The following XRN2 variants were observed in gnomAD, a reference collection of about 807,000 sequenced individuals.
XRN2 encodes 5'-3' exoribonuclease 2, also known as DHM1-like protein.
A neutral mutation model predicts 138.5 loss-of-function variants in XRN2; 44 were observed. The observed-to-expected ratio is 0.32, with a 90% confidence interval of 0.25 to 0.41. XRN2 has a LOEUF of 0.41. XRN2 is among the 10% of genes least tolerant of loss of function. The pLI, the probability that XRN2 is intolerant of heterozygous loss-of-function variation, is 1.00. For missense variants in XRN2, 937 were observed against 1,169.3 expected (o/e 0.80, Z 2.90); for synonymous variants, 354 against 369.4 (o/e 0.96, Z 0.48).
chr20:21,365,767 T>A, intron 26 of XRN2, 63 bp downstream of exon 26: 1 of 1,427,164 alleles, frequency 7.0e-7, no homozygotes, highest in Non-Finnish European at 9.3e-7. Context: ...ATAAAACAAG[T>A]CAGTATTTAT....
intron 29 of XRN2, 97 bp downstream of exon 29, chr20:21,387,103 A>C: frequency 1.3e-6 from 2 of 1,490,936 alleles, no homozygotes; most frequent in Non-Finnish European, 1.8e-6. Flanking sequence ...TGGAGAAGAC[A>C]CTGATAGAGT....
rs2038690776 is a variant in XRN2 at position 21,365,896 on chromosome 20, T to TA, written c.2456+192_2456+193insA. 3.2e-5 allele frequency among the ~76,000 whole-genome samples: 4 copies of TA among 124,654 alleles called. No homozygotes were observed. The Admixed American group carries it at 4.0e-4, about 13-fold the overall frequency. The allele number at this position is 124,654 out of a possible 152,430, so 81.8% of individuals were successfully genotyped here. A position where few individuals can be genotyped will look rare whatever the true frequency, so the allele number is the denominator to read the frequency against. ...ATATATAATATTATATAATATATAA[T>TA]TATATATATAATATATATAATATAA... On this transcript the variant is annotated intron_variant, in intron 26 of 29. Transcript: ENST00000377191.
chr20:21,371,737 G>T (rs1175930986), intron 27 of XRN2, among the ~76,000 whole-genome samples: 1 of 152,102 alleles, frequency 6.6e-6, no homozygotes, highest in Non-Finnish European at 1.5e-5. Context: ...ATGGCCTTTT[G>T]CTTCTAGCAG....
chr20:21,328,714 A>G (rs781650823), intron 4 of XRN2, 44 bp downstream of exon 4: 3 of 1,573,512 alleles, frequency 1.9e-6, no homozygotes, highest in Non-Finnish European at 2.6e-6. Context: ...CATAAGATGT[A>G]TGCAGAATGA....
chr20:21,312,957 G>GA (rs2037903963), intron 1 of XRN2, among the ~76,000 whole-genome samples: 1 of 152,174 alleles, frequency 6.6e-6, no homozygotes, highest in Non-Finnish European at 1.5e-5. Context: ...TGCCAGTTGA[G>GA]TGGCCCTCAG....
intron 14 of XRN2, among the ~76,000 whole-genome samples, chr20:21,339,521 CTTAG>C (rs1465626402): frequency 6.6e-5 from 10 of 152,212 alleles, no homozygotes; most frequent in Non-Finnish European, 1.0e-4. Context: ...CCAATTCTGT[CTTAG>C]TTTGGTGTTC....
intron 9 of XRN2, 51 bp downstream of exon 9, chr20:21,332,491 G>A: frequency 1.4e-6 from 2 of 1,474,522 alleles, no homozygotes; most frequent in Non-Finnish European, 1.8e-6. Context: ...AATCTATTGT[G>A]GTAAAATGTA....
At chr20:21,356,741 G>A (rs2038580232) in intron 23 of XRN2, 76 bp downstream of exon 23, 6 of 1,246,378 alleles carry the variant, frequency 4.8e-6, no homozygotes, top group Non-Finnish European at 6.8e-6. Flanking sequence ...TTGTCTAAAT[G>A]TTTATTTTCT....
chr20:21,324,538 T>C (rs375927086), intron 1 of XRN2, among the ~76,000 whole-genome samples: 75 of 151,236 alleles, frequency 5.0e-4, no homozygotes, highest in African/African-American at 1.8e-3. Context: ...ACCATCTAGC[T>C]CTAGCTCTTC....
At chr20:21,350,833 C>T (rs2038500725) in intron 20 of XRN2, among the ~76,000 whole-genome samples, 2 of 152,026 alleles carry the variant, frequency 1.3e-5, no homozygotes, top group Admixed American at 1.3e-4. Context: ...GCAGAAATAT[C>T]ATATCGCTTC....
chr20:21,383,662 C>G (rs888572001), intron 28 of XRN2, among the ~76,000 whole-genome samples: 1 of 152,150 alleles, frequency 6.6e-6, no homozygotes, highest in South Asian at 2.1e-4. Flanking sequence ...TTCTAAGGCC[C>G]CAACAGCTTT....
At chr20:21,322,833 A>C (rs1052465629) in intron 1 of XRN2, among the ~76,000 whole-genome samples, 1 of 152,228 alleles carries the variant, frequency 6.6e-6, no homozygotes, top group Non-Finnish European at 1.5e-5. Flanking sequence ...TGCTTTATCC[A>C]TGAAGTCACG....
intron 7 of XRN2, 63 bp from the exon 8 acceptor site, chr20:21,331,705 A>T: frequency 6.3e-7 from 1 of 1,591,450 alleles, no homozygotes; most frequent in Non-Finnish European, 8.6e-7. Flanking sequence ...AATACTTGGT[A>T]TGAAGTGATA....
chr20:21,320,913 C>G (rs1455906478), intron 1 of XRN2, among the ~76,000 whole-genome samples: 5 of 152,170 alleles, frequency 3.3e-5, no homozygotes, highest in African/African-American at 1.2e-4. Flanking sequence ...CCATCTTAAT[C>G]CCGAGTTTTC....
intron 13 of XRN2, among the ~76,000 whole-genome samples, chr20:21,335,024 C>G (rs1237729594): frequency 1.3e-5 from 2 of 152,022 alleles, no homozygotes; most frequent in South Asian, 2.1e-4. Flanking sequence ...AGTAAAAGTA[C>G]CTTTAATAGA....
rs189245410 is a variant in XRN2 at position 21,352,804 on chromosome 20, A to G, written c.1937-1985A>G. ...ACCTGAACTCAGAAAGTCTGATACTAGAGCTCACATTTGAAGTGACTGTGT... is the reference window on the plus strand; with the variant it reads ...ACCTGAACTCAGAAAGTCTGATACTGGAGCTCACATTTGAAGTGACTGTGT... On this transcript the variant is annotated intron_variant, in intron 20 of 29. Transcript: ENST00000377191. Among the ~76,000 whole-genome samples the G allele has an allele frequency of 1.0e-3, 157 of 152,326 alleles. 1 individual carries two copies. The highest frequency in any genetic ancestry group is 3.7e-3 in the African/African-American group (155 of 41,578).
intron 20 of XRN2, among the ~76,000 whole-genome samples, chr20:21,353,931 CAG>C (rs1158914374): frequency 2.6e-5 from 4 of 151,872 alleles, no homozygotes; most frequent in African/African-American, 9.7e-5. Context: ...TCACAAATAA[CAG>C]TGGTTTTGAG....
chr20:21,388,981 A>G (rs1010115440), intron 29 of XRN2, among the ~76,000 whole-genome samples: 5 of 152,208 alleles, frequency 3.3e-5, no homozygotes, highest in Non-Finnish European at 5.9e-5. Flanking sequence ...ATTGAGAACC[A>G]CTGTCTGTAC....
At chr20:21,332,692 C>T (rs372638720) in intron 9 of XRN2, among the ~76,000 whole-genome samples, 17 of 151,744 alleles carry the variant, frequency 1.1e-4, no homozygotes, top group African/African-American at 3.4e-4. Context: ...GAGACAGTCT[C>T]GACAGAGACG....
Sources: allele counts gnomAD v4.1 joint callset (sites outside exome capture counted in the v4.1 genomes callset), GRCh38; gene constraint gnomAD v4.1.1; transcripts MANE v1.5; gene names NCBI Gene and HGNC (gene_info 2026-07-23, HGNC 2026-07-21).